Variants in MALRD1 observed in about 807,000 individuals in gnomAD.
The protein encoded by MALRD1 is MAM and LDL-receptor class A domain-containing protein 1.
Under a neutral mutation model 242.1 loss-of-function variants are expected in MALRD1, and 247 were observed. The observed-to-expected ratio is 1.02, with a 90% CI of 0.92 to 1.13. The LOEUF is 1.13. Ranked by LOEUF, MALRD1 falls within the 50% of genes most tolerant of loss-of-function variation. The probability of loss-of-function intolerance (pLI) is 0.00; values close to 1 mark genes in which losing one functional copy is unlikely to be tolerated. For synonymous variants in MALRD1, 995 were observed against 866.6 expected, an observed-to-expected ratio of 1.15 and a Z score of -2.60; for missense variants, 2,989 against 2,533.1, an observed-to-expected ratio of 1.18 and a Z score of -3.86.
chr10:19,530,340 T>A (rs1318973190), intron 31 of MALRD1, among the ~76,000 whole-genome samples: 1 of 131,678 alleles, frequency 7.6e-6, no homozygotes, highest in African/African-American at 2.9e-5. Context: ...TATATAATAT[T>A]TATATAAATA....
intron 26 of MALRD1, among the ~76,000 whole-genome samples, chr10:19,355,933 AAT>A (rs1053836063): frequency 6.8e-6 from 1 of 146,362 alleles, no homozygotes; most frequent in African/African-American, 2.5e-5. Flanking sequence ...TATCATATAT[AAT>A]ATATATATGC....
chr10:19,124,097 G>A (rs1051473267), intron 6 of MALRD1, among the ~76,000 whole-genome samples: 12 of 151,550 alleles, frequency 7.9e-5, no homozygotes, highest in African/African-American at 2.9e-4. Context: ...TGCACCTGTG[G>A]TCCTAGCTAC....
intron 21 of MALRD1, among the ~76,000 whole-genome samples, chr10:19,317,823 T>G (rs1456780429): frequency 6.6e-6 from 1 of 152,090 alleles, no homozygotes; most frequent in Non-Finnish European, 1.5e-5. Context: ...GCAACTTTTG[T>G]GAAAATAGCA....
At chr10:19,236,267 C>G (rs183258690) in intron 18 of MALRD1, among the ~76,000 whole-genome samples, 1 of 152,186 alleles carries the variant, frequency 6.6e-6, no homozygotes, top group Non-Finnish European at 1.5e-5. Context: ...CAGGCTTTGA[C>G]TAGTTGGTGC....
At chr10:19,117,800 A>T (rs1477875130) in intron 5 of MALRD1, among the ~76,000 whole-genome samples, 1 of 152,248 alleles carries the variant, frequency 6.6e-6, no homozygotes, top group Non-Finnish European at 1.5e-5. Flanking sequence ...TCACAAATAA[A>T]AGTGAACATG....
At chr10:19,586,607 G>A (rs1269948614) in intron 33 of MALRD1, among the ~76,000 whole-genome samples, 2 of 152,174 alleles carry the variant, frequency 1.3e-5, no homozygotes, top group African/African-American at 4.8e-5. Context: ...CTGTGTACTG[G>A]GAGAACCACT....
At chr10:19,476,961 A>T (rs369040715) in intron 29 of MALRD1, among the ~76,000 whole-genome samples, 2 of 152,182 alleles carry the variant, frequency 1.3e-5, no homozygotes, top group East Asian at 3.9e-4. Context: ...AAAAACACTA[A>T]TGTTTTCATT....
At chr10:19,268,298 TATA>T (rs917715825) in intron 19 of MALRD1, among the ~76,000 whole-genome samples, 1 of 152,140 alleles carries the variant, frequency 6.6e-6, no homozygotes, top group African/African-American at 2.4e-5. Flanking sequence ...ACACAGTTGT[TATA>T]ATAATAGTAT....
chr10:19,489,388 A>G (rs571152291), intron 29 of MALRD1: 1 of 551,142 alleles, frequency 1.8e-6, no homozygotes, highest in Non-Finnish European at 3.6e-6. Flanking sequence ...GAGAGAAAGT[A>G]GCCAAGTCTG....
chr10:19,361,646 A>G (rs2130707318), intron 26 of MALRD1, among the ~76,000 whole-genome samples: 1 of 152,212 alleles, frequency 6.6e-6, no homozygotes, highest in East Asian at 1.9e-4. Flanking sequence ...AGAAGTCATC[A>G]AGAAAGATGT....
At chr10:19,669,728 A>G (rs1223944893) in intron 36 of MALRD1, among the ~76,000 whole-genome samples, 2 of 152,182 alleles carry the variant, frequency 1.3e-5, no homozygotes. Context: ...TCATAACGCT[A>G]TTGGCTCAGA....
At chr10:19,309,613 G>A (rs1327324355) in intron 21 of MALRD1, among the ~76,000 whole-genome samples, 2 of 151,528 alleles carry the variant, frequency 1.3e-5, no homozygotes, top group African/African-American at 4.8e-5. Context: ...AGGTGAAAAG[G>A]TGGTGTTGGT....
intron 26 of MALRD1, among the ~76,000 whole-genome samples, chr10:19,380,637 G>A (rs1345302712): frequency 6.6e-6 from 1 of 151,754 alleles, no homozygotes; most frequent in Non-Finnish European, 1.5e-5. Context: ...AATATTATAA[G>A]GTTTAAAGTA....
At chr10:19,601,985 A>G (rs1172709024) in intron 34 of MALRD1, among the ~76,000 whole-genome samples, 1 of 152,030 alleles carries the variant, frequency 6.6e-6, no homozygotes, top group Admixed American at 6.6e-5. Flanking sequence ...AATATATATC[A>G]TAGATACATA....
At chr10:19,557,196 C>G (rs1310496484) in intron 32 of MALRD1, among the ~76,000 whole-genome samples, 1 of 151,848 alleles carries the variant, frequency 6.6e-6, no homozygotes, top group African/African-American at 2.4e-5. Context: ...AATACCAGGC[C>G]TTATCAGATA....
intron 36 of MALRD1, among the ~76,000 whole-genome samples, chr10:19,650,438 A>G (rs543151157): frequency 1.2e-4 from 18 of 152,230 alleles, no homozygotes; most frequent in Non-Finnish European, 2.1e-4. Context: ...AAAGGCATCA[A>G]GAATAGCAAT....
At chr10:19,529,685 A>G (rs980194001) in intron 31 of MALRD1, among the ~76,000 whole-genome samples, 3 of 152,140 alleles carry the variant, frequency 2.0e-5, no homozygotes, top group Admixed American at 6.5e-5. Context: ...ATTTGTCAAA[A>G]TAGATGCAAA....
chr10:19,103,440 A>T (rs1836341521), intron 4 of MALRD1, among the ~76,000 whole-genome samples: 1 of 151,226 alleles, frequency 6.6e-6, no homozygotes. Context: ...GGGCGCCTGT[A>T]GTCCCAGCTA....
chr10:19,319,230 CA>C, intron 21 of MALRD1, among the ~76,000 whole-genome samples: 1 of 152,078 alleles, frequency 6.6e-6, no homozygotes, highest in South Asian at 2.1e-4. Context: ...TTCTTACTCC[CA>C]CATCAGGAAG....
Sources: gnomAD v4.1 joint callset for allele counts (sites outside exome capture counted in the v4.1 genomes callset) on GRCh38, gnomAD v4.1.1 for gene constraint, MANE v1.5 for transcripts, NCBI Gene and HGNC (gene_info 2026-07-23, HGNC 2026-07-21) for gene names.